Variants in HPR observed in about 807,000 individuals in gnomAD.
The protein encoded by HPR is Haptoglobin-related locus.
HPR carries 17 observed loss-of-function variants against 18.5 expected under a neutral mutation model. The observed-to-expected ratio is 0.92, with a 90% CI of 0.63 to 1.38. The LOEUF (loss-of-function observed/expected upper bound fraction) is 1.38. Ranked by LOEUF, HPR falls within the 40% of genes most tolerant of loss-of-function variation. The pLI is 0.00. For missense variants in HPR, 457 were observed against 432.4 expected (o/e 1.06, Z -0.51); for synonymous variants, 176 against 165.0 (o/e 1.07, Z -0.51).
At position 72,074,321 on chromosome 16, in the gene HPR, C is replaced by A; in HGVS notation, c.129C>A (p.Gly43=). ...CGAAGCCCCCTGAGATTGCAAATGG[C>A]TATGTGGAGCACTTGTTTCGCTACC... ...RFPKPPEIAN[G]YVEHLFRYQC... Residue 43 remains glycine, a synonymous_variant, in exon 3 of 5, where the codon GGC becomes GGA. Coordinates refer to ENST00000540303, the MANE Select transcript of HPR (RefSeq NM_020995.4). The A allele has an allele frequency of 1.2e-6, 2 of 1,614,034 alleles. No individual in the cohort carries two copies. The highest frequency in any genetic ancestry group is 1.7e-6 in the Non-Finnish European group (2 of 1,179,982).
chr16:72,069,263 T>C (rs946114860), intron 1 of HPR, among the ~76,000 whole-genome samples: 1 of 152,158 alleles, frequency 6.6e-6, no homozygotes, highest in Admixed American at 6.6e-5. Context: ...ACCTTGTTCA[T>C]AAGGAGTTAA....
intron 1 of HPR, among the ~76,000 whole-genome samples, chr16:72,066,335 C>A (rs2041597406): frequency 6.6e-6 from 1 of 152,118 alleles, no homozygotes; most frequent in South Asian, 2.1e-4. Context: ...CTATCCTAGG[C>A]ATCTTCTTTT....
chr16:72,063,654 G>C (rs2041566226), intron 1 of HPR, among the ~76,000 whole-genome samples: 1 of 151,944 alleles, frequency 6.6e-6, no homozygotes, highest in Non-Finnish European at 1.5e-5. Flanking sequence ...CTAGTACTTG[G>C]GATACACACT....
In HPR at chr16:72,073,879, T is replaced by C. The variant is rs888537751; in HGVS notation, c.6-13T>C. 35 of 1,613,790 alleles carry C rather than the reference T, an allele frequency of 2.2e-5. No homozygotes were observed. Among genetic ancestry groups the C allele is most frequent in the Non-Finnish European group, 3.0e-5 (35 of 1,179,942 alleles). On this transcript the variant is annotated splice_polypyrimidine_tract_variant and intron_variant, in intron 1 of 4. Transcript: ENST00000540303. Reference sequence around the variant, plus strand: ...AGACCAGCTTTCCGCTCCTTCTTGTTTTCTCTCTGCAGTGACCTGGGAGCT... The same window carrying C: ...AGACCAGCTTTCCGCTCCTTCTTGTCTTCTCTCTGCAGTGACCTGGGAGCT...
At chr16:72,068,257 T>G (rs1347800204) in intron 1 of HPR, among the ~76,000 whole-genome samples, 1 of 152,184 alleles carries the variant, frequency 6.6e-6, no homozygotes, top group Non-Finnish European at 1.5e-5. Context: ...CTTCAGTGTA[T>G]GGAGCCTAAA....
intron 1 of HPR, 105 bp from the exon 2 acceptor site, chr16:72,073,787 T>C (rs545297447): frequency 3.8e-6 from 6 of 1,598,152 alleles, no homozygotes; most frequent in Admixed American, 1.7e-5. Flanking sequence ...TGCATGTGTG[T>C]GTGTGCGTGT....
chr16:72,075,949 A>C (rs1233011670), intron 4 of HPR, among the ~76,000 whole-genome samples: 4 of 151,394 alleles, frequency 2.6e-5, no homozygotes, highest in Admixed American at 1.3e-4. Context: ...TGCTGGGATT[A>C]CAGGCGTGAG....
chr16:72,076,675 A>G lies in HPR; in HGVS notation c.641A>G (p.Tyr214Cys). Residue 214 changes from tyrosine (Y) to cysteine (C), a missense_variant, in exon 5 of 5, where the codon TAT (tyrosine) becomes TGT (cysteine). By Grantham distance (194) the Tyr-to-Cys change is radical. Transcript: ENST00000540303. ...CCCATCTGCCTACCTTCAAAGAATTATGCAGAAGTAGGGCGTGTGGGTTAC... is the reference window on the plus strand; with the variant it reads ...CCCATCTGCCTACCTTCAAAGAATTGTGCAGAAGTAGGGCGTGTGGGTTAC... ...VMPICLPSKN[Y>C]AEVGRVGYVS... The G allele has an allele frequency of 6.2e-7, 1 of 1,614,212 alleles. No homozygotes were observed. The highest frequency in any genetic ancestry group is 8.5e-7 in the Non-Finnish European group (1 of 1,180,034).
At chr16:72,067,630 C>G (rs1339141345) in intron 1 of HPR, among the ~76,000 whole-genome samples, 1 of 152,130 alleles carries the variant, frequency 6.6e-6, no homozygotes, top group Non-Finnish European at 1.5e-5. Context: ...CCACATCAAG[C>G]TAAACACCCC....
In HPR at chr16:72,076,454, G is replaced by A; in HGVS notation, c.420G>A (p.Leu140=). ...GATLINEQWL[L]TTAKNLFLNH... ...CGCTGATCAATGAACAATGGCTGCT[G>A]ACCACGGCTAAAAATCTCTTCCTGA... Residue 140 remains leucine (L), a synonymous_variant, in exon 5 of 5, where the codon CTG becomes CTA. Coordinates refer to ENST00000540303, the MANE Select transcript of HPR (RefSeq NM_020995.4). 1 of 1,614,166 alleles carries A rather than the reference G, an allele frequency of 6.2e-7. No individual in the cohort carries two copies. Among genetic ancestry groups the A allele is most frequent in the Non-Finnish European group, 8.5e-7 (1 of 1,180,028 alleles).
intron 3 of HPR, chr16:72,074,742 T>G (rs568722605): frequency 1.4e-5 from 10 of 701,134 alleles, no homozygotes; most frequent in African/African-American, 1.0e-4. Flanking sequence ...GGGCTTTATA[T>G]TTATTTGCTC....
chr16:72,074,105 C>G (rs2041689649), intron 2 of HPR, 128 bp downstream of exon 2: 2 of 1,377,280 alleles, frequency 1.5e-6, no homozygotes, highest in Non-Finnish European at 2.0e-6. Context: ...TCTGGGCTTT[C>G]AGGACTGCCA....
At chr16:72,069,972 A>G (rs1236573837) in intron 1 of HPR, among the ~76,000 whole-genome samples, 1 of 152,324 alleles carries the variant, frequency 6.6e-6, no homozygotes, top group South Asian at 2.1e-4. Context: ...TGATTCAGAC[A>G]ATGGAACCCA....
chr16:72,072,900 C>G (rs1269973284), intron 1 of HPR, among the ~76,000 whole-genome samples: 1 of 152,148 alleles, frequency 6.6e-6, no homozygotes, highest in Non-Finnish European at 1.5e-5. Context: ...AAAGGTTCAG[C>G]TTGCTTAAGT....
chr16:72,076,228 A>G, intron 4 of HPR, 75 bp from the exon 5 acceptor site: 9 of 1,593,086 alleles, frequency 5.6e-6, no homozygotes, highest in African/African-American at 1.3e-5. Flanking sequence ...GACAGCCGCC[A>G]ATGCTTTCAC....
In HPR at chr16:72,076,994, T is replaced by C. The variant is rs1597422042; in HGVS notation, c.960T>C (p.Asp320=). The stretch of plus-strand genomic sequence containing the variant: ...ACGCGGCTGGGATCCTAAGCTTTGA[T>C]AAGAGCTGTGCTGTGGCTGAGTATG... The part of the protein sequence containing the change: ...TWYAAGILSF[D]KSCAVAEYGV... Residue 320 remains aspartate, a synonymous_variant, in exon 5 of 5, where the codon GAT becomes GAC. Transcript: ENST00000540303. 2.5e-6 allele frequency: 4 copies of C among 1,614,122 alleles called. No homozygotes were observed. In the South Asian group the frequency reaches 3.3e-5, roughly 13 times the overall value.
intron 1 of HPR, among the ~76,000 whole-genome samples, chr16:72,067,697 G>T (rs1164967454): frequency 6.6e-6 from 1 of 152,100 alleles, no homozygotes; most frequent in Admixed American, 6.5e-5. Flanking sequence ...GGCATGCTAG[G>T]GCTAAAACCT....
intron 1 of HPR, among the ~76,000 whole-genome samples, chr16:72,063,797 G>T (rs893970802): frequency 6.6e-6 from 1 of 151,966 alleles, no homozygotes; most frequent in African/African-American, 2.4e-5. Flanking sequence ...AGGATGGAGT[G>T]AGTGGCGCGA....
chr16:72,073,048 C>G (rs2041674271), intron 1 of HPR, among the ~76,000 whole-genome samples: 1 of 152,146 alleles, frequency 6.6e-6, no homozygotes. Flanking sequence ...CTGTGAATTA[C>G]CCCTCCCATC....
Sources: gnomAD v4.1 joint callset for allele counts (sites outside exome capture counted in the v4.1 genomes callset) on GRCh38, gnomAD v4.1.1 for gene constraint, MANE v1.5 for transcripts, NCBI Gene and HGNC (gene_info 2026-07-23, HGNC 2026-07-21) for gene names.